Variants in NOTCH2NLB observed in about 807,000 individuals in gnomAD.
NOTCH2NLB encodes notch homolog 2 N-terminal-like protein B.
A neutral mutation model predicts 14.8 loss-of-function variants in NOTCH2NLB; 1 was observed. The ratio of observed to expected loss-of-function variants is 0.07; its 90% CI spans 0.02 to 0.32. The LOEUF is 0.32. NOTCH2NLB is among the 10% of genes least tolerant of loss of function. NOTCH2NLB has a pLI of 1.00. For synonymous variants in NOTCH2NLB, 6 were observed against 57.5 expected (o/e 0.10, Z 4.05); for missense variants, 11 against 155.0 (o/e 0.07, Z 4.93).
chr1:148,630,284 T>C (rs1438186719), intron 2 of NOTCH2NLB, among the ~76,000 whole-genome samples: 2 of 114,160 alleles, frequency 1.8e-5, no homozygotes, highest in East Asian at 3.7e-4. Flanking sequence ...GGAAGGAGCA[T>C]AATTGCTCCC....
At chr1:148,694,176 A>G in the NOTCH2NLB span, among the ~76,000 whole-genome samples, 5 of 148,176 alleles carry the variant, frequency 3.4e-5, no homozygotes, top group Non-Finnish European at 6.0e-5. Context: ...GATAAAGTCA[A>G]CAAGAAGCTG....
chr1:148,643,514 CAAAAAAAAAAAAAAAAAAAAAA>C, intron 1 of NOTCH2NLB, among the ~76,000 whole-genome samples: 1 of 5,384 alleles, frequency 1.9e-4, no homozygotes, highest in Non-Finnish European at 2.7e-4. Context: ...GACTCCATCT[CAAAAAAAAAAAAAAAAAAAAAA>C]AAAAAAAAAA....
chr1:148,609,113 T>C (rs1663603517), intron 3 of NOTCH2NLB, among the ~76,000 whole-genome samples: 1 of 140,550 alleles, frequency 7.1e-6, no homozygotes. Context: ...ATTATTATTA[T>C]ACTTTAAGTT....
chr1:148,612,900 AAC>A (rs1663731210), intron 3 of NOTCH2NLB, among the ~76,000 whole-genome samples: 1 of 91,888 alleles, frequency 1.1e-5, no homozygotes, highest in African/African-American at 4.3e-5. Context: ...GAAAAAAAAA[AAC>A]ACAACCTGCT....
At chr1:148,606,633 TC>T, downstream of NOTCH2NLB, among the ~76,000 whole-genome samples, 1 of 109,654 alleles carries the variant, frequency 9.1e-6, no homozygotes, top group Non-Finnish European at 1.7e-5. Context: ...TGTTCCTTTC[TC>T]CCTCTCCATG....
intron 1 of NOTCH2NLB, among the ~76,000 whole-genome samples, chr1:148,651,162 A>AAATTTATATATATATAT (rs1553341433): frequency 4.3e-5 from 2 of 46,040 alleles, no homozygotes; most frequent in Admixed American, 5.4e-4. Flanking sequence ...AAAAAAAAAA[A>AAATTTATATATATATAT]ATATATATAT....
At chr1:148,674,605 G>C (rs1255021085) in intron 1 of NOTCH2NLB, among the ~76,000 whole-genome samples, 1 of 87,282 alleles carries the variant, frequency 1.1e-5, no homozygotes, top group Non-Finnish European at 2.5e-5. Context: ...CTCTCCTATA[G>C]AATGTTCTAA....
chr1:148,622,846 T>C (rs1663917244), intron 2 of NOTCH2NLB, among the ~76,000 whole-genome samples: 2 of 85,126 alleles, frequency 2.3e-5, no homozygotes. Flanking sequence ...AACCCAATAA[T>C]TGGAACTATC....
chr1:148,661,885 TAA>T (rs1392704268), intron 1 of NOTCH2NLB, among the ~76,000 whole-genome samples: 1 of 120,746 alleles, frequency 8.3e-6, no homozygotes, highest in African/African-American at 3.2e-5. Context: ...GAAAGTTTGT[TAA>T]GAAGGCTCCC....
intron 1 of NOTCH2NLB, among the ~76,000 whole-genome samples, chr1:148,646,652 CTAAGA>C (rs1453103380): frequency 2.4e-5 from 2 of 83,860 alleles, no homozygotes; most frequent in African/African-American, 8.7e-5. Flanking sequence ...CCAAATGACT[CTAAGA>C]TAAATACAAA....
At chr1:148,638,748 T>C (rs1664273970) in intron 2 of NOTCH2NLB, among the ~76,000 whole-genome samples, 4 of 149,396 alleles carry the variant, frequency 2.7e-5, no homozygotes, top group Admixed American at 2.7e-4. Context: ...GTTTATAACA[T>C]TAAAAAACTA....
intron 2 of NOTCH2NLB, among the ~76,000 whole-genome samples, chr1:148,630,253 T>C (rs1664071223): frequency 8.5e-6 from 1 of 117,030 alleles, no homozygotes; most frequent in Non-Finnish European, 1.7e-5. Flanking sequence ...GAATCAAGAG[T>C]CAAGGCCAAA....
chr1:148,610,851 A>G (rs1388634874), intron 3 of NOTCH2NLB, among the ~76,000 whole-genome samples: 65 of 31,476 alleles, frequency 2.1e-3, no homozygotes, highest in African/African-American at 5.7e-3. Context: ...CCGAGATTGC[A>G]CCCTGCACTC....
intron 1 of NOTCH2NLB, among the ~76,000 whole-genome samples, chr1:148,654,469 T>C (rs1439345807): frequency 4.5e-5 from 1 of 22,060 alleles, no homozygotes; most frequent in Non-Finnish European, 1.0e-4. Context: ...ATACCCTTCA[T>C]GATGTTGAAT....
chr1:148,674,959 AAT>A (rs1664828244), intron 1 of NOTCH2NLB, among the ~76,000 whole-genome samples: 1 of 98,724 alleles, frequency 1.0e-5, no homozygotes, highest in Non-Finnish European at 2.3e-5. Flanking sequence ...CTCAAAAAAA[AAT>A]TATCAAAATA....
downstream of NOTCH2NLB, among the ~76,000 whole-genome samples, chr1:148,604,873 T>C (rs1328728021): frequency 1.5e-5 from 2 of 135,996 alleles, no homozygotes; most frequent in Non-Finnish European, 3.2e-5. Flanking sequence ...GCTGAAGTCA[T>C]CTGGTTTAGA....
At chr1:148,610,323 G>GAGAAAGAAAGAAAGAAAGAAAGAA (rs1294416962) in intron 3 of NOTCH2NLB, among the ~76,000 whole-genome samples, 16 of 45,572 alleles carry the variant, frequency 3.5e-4, no homozygotes, top group East Asian at 2.7e-3. Context: ...GAGAAAGAGA[G>GAGAAAGAAAGAAAGAAAGAAAGAA]AGAAAGAAAG....
chr1:148,638,758 A>G (rs1291848474), intron 2 of NOTCH2NLB, among the ~76,000 whole-genome samples: 1 of 149,456 alleles, frequency 6.7e-6, no homozygotes, highest in Non-Finnish European at 1.5e-5. Context: ...TTAAAAAACT[A>G]AATCCTAGTG....
At chr1:148,661,552 T>C (rs1228879628) in intron 1 of NOTCH2NLB, among the ~76,000 whole-genome samples, 2 of 149,878 alleles carry the variant, frequency 1.3e-5, no homozygotes, top group African/African-American at 2.4e-5. Context: ...AAATTGTATG[T>C]ATTTTAGATA....
Sources: gnomAD v4.1 joint callset for allele counts (sites outside exome capture counted in the v4.1 genomes callset) on GRCh38, gnomAD v4.1.1 for gene constraint, MANE v1.5 for transcripts, NCBI Gene and HGNC (gene_info 2026-07-23, HGNC 2026-07-21) for gene names.